Variants in TNRC6A observed in about 807,000 individuals in gnomAD.
The protein encoded by TNRC6A is trinucleotide repeat-containing gene 6A protein.
Under a neutral mutation model 221.2 loss-of-function variants are expected in TNRC6A, and 44 were observed. That is an observed-to-expected ratio of 0.20 (90% confidence interval 0.16 to 0.26). The LOEUF (loss-of-function observed/expected upper bound fraction) is 0.26. TNRC6A is among the 10% of genes least tolerant of loss of function. The pLI is 1.00. For synonymous variants in TNRC6A, 847 were observed against 838.5 expected, an observed-to-expected ratio of 1.01 and a Z score of -0.18; for missense variants, 2,199 against 2,404.4, an observed-to-expected ratio of 0.91 and a Z score of 1.79.
intron 17 of TNRC6A, among the ~76,000 whole-genome samples, chr16:24,808,930 A>C (rs936126749): frequency 1.3e-5 from 2 of 152,194 alleles, no homozygotes; most frequent in African/African-American, 4.8e-5. Flanking sequence ...GAGGGGCCTC[A>C]TCAGCAAAGG....
At chr16:24,653,671 T>C (rs1246086984) in intron 2 of TNRC6A, among the ~76,000 whole-genome samples, 1 of 151,798 alleles carries the variant, frequency 6.6e-6, no homozygotes, top group African/African-American at 2.4e-5. Flanking sequence ...TCCCAGCTAC[T>C]TGGGAGGCTG....
chr16:24,663,001 C>A (rs1020150999), intron 2 of TNRC6A: 4 of 153,714 alleles, frequency 2.6e-5, no homozygotes, highest in Non-Finnish European at 4.4e-5. Flanking sequence ...AAAGAAATTT[C>A]TTGATGAATT....
intron 2 of TNRC6A, among the ~76,000 whole-genome samples, chr16:24,645,552 A>G (rs1323973307): frequency 6.6e-6 from 1 of 151,920 alleles, no homozygotes; most frequent in African/African-American, 2.4e-5. Flanking sequence ...CAATTCACCA[A>G]TCCTCATGTC....
intron 2 of TNRC6A, 109 bp downstream of exon 2, chr16:24,730,409 C>T (rs1432995751): frequency 4.5e-6 from 6 of 1,326,454 alleles, no homozygotes; most frequent in East Asian, 5.4e-5. Context: ...CTTCCGCACC[C>T]GGAGAGCAGA....
At chr16:24,672,111 GT>G (rs1353273905) in intron 2 of TNRC6A, among the ~76,000 whole-genome samples, 1 of 151,944 alleles carries the variant, frequency 6.6e-6, no homozygotes, top group Non-Finnish European at 1.5e-5. Context: ...AGTGTTCTTT[GT>G]TTATTTTATT....
intron 2 of TNRC6A, among the ~76,000 whole-genome samples, chr16:24,742,437 A>G (rs2056911865): frequency 6.6e-6 from 1 of 151,560 alleles, no homozygotes. Context: ...TAACATATGG[A>G]TAAGAGTAAG....
At chr16:24,731,748 A>C (rs1022795590) in intron 2 of TNRC6A, among the ~76,000 whole-genome samples, 3 of 152,222 alleles carry the variant, frequency 2.0e-5, no homozygotes, top group Non-Finnish European at 1.5e-5. Context: ...TCTGTGCCAC[A>C]GGTATAATTT....
At chr16:24,747,752 G>A (rs956205549) in intron 2 of TNRC6A, among the ~76,000 whole-genome samples, 54 of 152,048 alleles carry the variant, frequency 3.6e-4, no homozygotes, top group African/African-American at 1.2e-3. Flanking sequence ...TTACAGTATC[G>A]GCTGATACTG....
chr16:24,815,640 G>A, intron 19 of TNRC6A: 1 of 311,664 alleles, frequency 3.2e-6, no homozygotes, highest in South Asian at 3.0e-5. Context: ...CGGATCACGA[G>A]GTCAGGAGAT....
chr16:24,809,800 A>C (rs1207808313), intron 18 of TNRC6A, among the ~76,000 whole-genome samples: 1 of 152,134 alleles, frequency 6.6e-6, no homozygotes, highest in African/African-American at 2.4e-5. Flanking sequence ...TACTGGATTT[A>C]ATTTGATATG....
chr16:24,673,811 G>A (rs912683480), intron 2 of TNRC6A, among the ~76,000 whole-genome samples: 1 of 152,282 alleles, frequency 6.6e-6, no homozygotes, highest in East Asian at 1.9e-4. Flanking sequence ...ACCCACTTCG[G>A]CCTCCCAGAA....
At chr16:24,692,900 G>A (rs891745355) in intron 2 of TNRC6A, among the ~76,000 whole-genome samples, 1 of 152,060 alleles carries the variant, frequency 6.6e-6, no homozygotes, top group African/African-American at 2.4e-5. Context: ...GTTCCTGTAG[G>A]CACTAGACAC....
intron 1 of TNRC6A, among the ~76,000 whole-genome samples, chr16:24,611,055 T>C (rs1900034113): frequency 6.6e-6 from 1 of 152,046 alleles, no homozygotes; most frequent in South Asian, 2.1e-4. Flanking sequence ...TCCGGTGATC[T>C]CCCCGCCTTG....
Position 24,729,687 on chromosome 16 carries a change from G to GTGT in TNRC6A, c.-155_-154insTGT, listed in dbSNP as rs577598452. 0.13 allele frequency: 34,825 copies of GTGT among 265,040 alleles called. 2,234 individuals are homozygous for GTGT. The highest frequency in any genetic ancestry group is 0.5 in the East Asian group (6,490 of 13,110). The allele number at this position is 265,040 out of a possible 1,614,324, so 16.4% of individuals were successfully genotyped here. A position where few individuals can be genotyped will look rare whatever the true frequency, so the allele number is the denominator to read the frequency against. On this transcript the variant is annotated 5_prime_UTR_variant, in exon 1 of 25. Transcript: ENST00000395799. The stretch of plus-strand genomic sequence containing the variant: ...GGGGCCTGCGGCGGCGGCGGTGTCG[G>GTGT]CGGCGGCGGCGGCGGCGGCGGCGGC...
At chr16:24,636,219 T>C (rs1031149225) in intron 1 of TNRC6A, among the ~76,000 whole-genome samples, 1 of 152,230 alleles carries the variant, frequency 6.6e-6, no homozygotes, top group Non-Finnish European at 1.5e-5. Flanking sequence ...TTGTGGGTTG[T>C]TTTTTATACT....
intron 1 of TNRC6A, among the ~76,000 whole-genome samples, chr16:24,629,842 G>T (rs539340558): frequency 6.6e-6 from 1 of 151,838 alleles, no homozygotes; most frequent in Non-Finnish European, 1.5e-5. Flanking sequence ...GTGCTGGTGC[G>T]TGCCTGTTAT....
intron 2 of TNRC6A, among the ~76,000 whole-genome samples, chr16:24,652,414 A>T (rs530034306): frequency 7.2e-5 from 11 of 152,178 alleles, no homozygotes; most frequent in Admixed American, 2.0e-4. Flanking sequence ...TGAAACTGGG[A>T]AATGCTAGTA....
chr16:24,665,098 C>T (rs966829805), intron 2 of TNRC6A: 2 of 411,532 alleles, frequency 4.9e-6, no homozygotes, highest in African/African-American at 2.0e-5. Context: ...CAAGGTCTCA[C>T]TCTGTTGCCT....
intron 2 of TNRC6A, among the ~76,000 whole-genome samples, chr16:24,720,042 G>A (rs975905646): frequency 5.3e-5 from 8 of 152,148 alleles, no homozygotes; most frequent in Non-Finnish European, 8.8e-5. Flanking sequence ...AGGCTTGCCT[G>A]AGGCATGGTA....
Sources: gnomAD v4.1 joint callset for allele counts (sites outside exome capture counted in the v4.1 genomes callset) on GRCh38, gnomAD v4.1.1 for gene constraint, MANE v1.5 for transcripts, NCBI Gene and HGNC (gene_info 2026-07-23, HGNC 2026-07-21) for gene names.